The following SREBF1 variants were observed in gnomAD, a reference collection of about 807,000 sequenced individuals.
The protein encoded by SREBF1 is sterol regulatory element binding transcription factor 1.
SREBF1 carries 45 observed loss-of-function variants against 100.1 expected under a neutral mutation model. That is an observed-to-expected ratio of 0.45 (90% CI 0.35 to 0.58). The LOEUF (loss-of-function observed/expected upper bound fraction) is 0.58. Among genes scored for constraint, SREBF1 ranks in the 20% least tolerant of loss-of-function variants. The probability of loss-of-function intolerance (pLI) is 0.00; values close to 1 mark genes in which losing one functional copy is unlikely to be tolerated. For synonymous variants in SREBF1, 657 were observed against 681.8 expected, an observed-to-expected ratio of 0.96 and a Z score of 0.57; for missense variants, 1,324 against 1,539.4, an observed-to-expected ratio of 0.86 and a Z score of 2.34.
chr17:17,825,606 T>C (rs1289622332), intron 1 of SREBF1, among the ~76,000 whole-genome samples: 2 of 135,852 alleles, frequency 1.5e-5, no homozygotes, highest in African/African-American at 6.0e-5. Context: ...CCAATTTCTT[T>C]TTTTTTTTTT....
rs764807273 is a variant in SREBF1 at position 17,820,517 on chromosome 17, C to T, written c.96G>A (p.Met32Ile). 22 of 1,613,442 alleles carry T rather than the reference C, an allele frequency of 1.4e-5. No individual in the cohort carries two copies. The highest frequency in any genetic ancestry group is 1.7e-5 in the Admixed American group (1 of 59,974). ...TGTCTTGGTTGTTGATAAGCTGAAGCATGTCTGTGAAAAGGAGAAGAGGGT... is the reference window on the plus strand; with the variant it reads ...TGTCTTGGTTGTTGATAAGCTGAAGTATGTCTGTGAAAAGGAGAAGAGGGT... The part of the protein sequence containing the change: ...DAALLTDIED[M>I]LQLINNQDSD... The change falls in exon 2 of 19, where the codon ATG becomes ATA. Residue 32 changes from methionine (M) to isoleucine (I), a missense_variant. Physicochemically the swap from Met to Ile is conservative, Grantham distance 10 (BLOSUM62 1). Coordinates refer to ENST00000261646, the MANE Select transcript of SREBF1 (RefSeq NM_004176.5).
chr17:17,812,810 G>T lies in SREBF1; in HGVS notation c.3256C>A (p.His1086Asn). ...ELEPRPTRRE[H>N]AEALLLASCY... ...GAGGCCAGCAGCAAGGCCTCCGCGT[G>T]CTCCCGCCGCGTGGGCCGCGGCTCC... The change falls in exon 19 of 19, where the codon CAC becomes AAC. Residue 1086 changes from histidine (H) to asparagine (N), a missense_variant. His to Asn is a moderately conservative substitution (Grantham distance 68). Transcript: ENST00000261646. The T allele has an allele frequency of 6.7e-7, 1 of 1,496,240 alleles. No individual in the cohort carries two copies. The highest frequency in any genetic ancestry group is 1.3e-5 in the South Asian group (1 of 79,172). The allele number at this position is 1,496,240 out of a possible 1,614,324, so 92.7% of individuals were successfully genotyped here. A position where few individuals can be genotyped will look rare whatever the true frequency, so the allele number is the denominator to read the frequency against.
chr17:17,826,793 G>A (rs1372704739), intron 1 of SREBF1, among the ~76,000 whole-genome samples: 6 of 152,192 alleles, frequency 3.9e-5, no homozygotes, highest in Non-Finnish European at 8.8e-5. Context: ...TGTATTCTGT[G>A]AGGCCATGAG....
intron 1 of SREBF1, among the ~76,000 whole-genome samples, chr17:17,829,205 A>AAAATATATAT (rs1210718799): frequency 1.5e-5 from 1 of 65,872 alleles, no homozygotes; most frequent in African/African-American, 8.8e-5. Context: ...AAAAAAAAAA[A>AAAATATATAT]ATATATATAT....
At chr17:17,823,385 G>A (rs947807069) in intron 1 of SREBF1, 13 of 764,404 alleles carry the variant, frequency 1.7e-5, no homozygotes, top group Admixed American at 1.2e-4. Context: ...GCTGGTAACT[G>A]TCACACCTTC....
At chr17:17,823,119 T>C (rs1412199347) in intron 1 of SREBF1, among the ~76,000 whole-genome samples, 1 of 152,208 alleles carries the variant, frequency 6.6e-6, no homozygotes. Flanking sequence ...ACTGTCTTCC[T>C]GAAAAGTCTA....
rs1398733811 is a variant in SREBF1 at position 17,820,251 on chromosome 17, C to A, written c.362G>T (p.Gly121Val). The A allele has an allele frequency of 1.2e-6, 2 of 1,613,694 alleles. No individual in the cohort carries two copies. Among genetic ancestry groups the A allele is most frequent in the Non-Finnish European group, 1.7e-6 (2 of 1,179,984 alleles). ...CAGTGGCACTGACTCTTCCTTGATA[C>A]CAGGCCCAGGGGAGAAAGCGGGCAT... Reference protein sequence around the residue: ...PSMPAFSPGPGIKEESVPLSI... With the variant: ...PSMPAFSPGPVIKEESVPLSI... The change falls in exon 2 of 19, where the codon GGT becomes GTT. Residue 121 changes from glycine (G) to valine (V), a missense_variant. Coordinates refer to ENST00000261646, the MANE Select transcript of SREBF1 (RefSeq NM_004176.5).
At chr17:17,823,608 C>T (rs1459364851) in intron 1 of SREBF1, 1 of 1,611,040 alleles carries the variant, frequency 6.2e-7, no homozygotes, top group South Asian at 1.1e-5. Flanking sequence ...CCGACTTCAC[C>T]TGTCAAGGCG....
At chr17:17,832,419 C>A (rs1300439286) in intron 1 of SREBF1, among the ~76,000 whole-genome samples, 1 of 152,234 alleles carries the variant, frequency 6.6e-6, no homozygotes, top group Non-Finnish European at 1.5e-5. Context: ...CCCAGCTCTG[C>A]ACTCTGGCAC....
At chr17:17,836,307 G>T (rs76959280) in intron 1 of SREBF1, among the ~76,000 whole-genome samples, 1 of 152,258 alleles carries the variant, frequency 6.6e-6, no homozygotes, top group Admixed American at 6.5e-5. Flanking sequence ...CTGAACTCTC[G>T]GGCCGGAGGG....
chr17:17,814,986 G>T, intron 13 of SREBF1, 42 bp from the exon 14 acceptor site: 2 of 1,530,618 alleles, frequency 1.3e-6, no homozygotes, highest in Non-Finnish European at 8.9e-7. Flanking sequence ...GATGGCAGGG[G>T]TCCTAGGAGG....
In SREBF1 at chr17:17,811,692, C is replaced by T. The variant is rs998986010; in HGVS notation, c.*930G>A. 8 of 453,444 alleles carry T rather than the reference C, an allele frequency of 1.8e-5. No individual in the cohort carries two copies. The highest frequency in any genetic ancestry group is 1.2e-4 in the Admixed American group (5 of 42,068). 28.1% of individuals were successfully genotyped at this position (453,444 alleles called of 1,614,324 possible). ...AGGGGCCGGGATGGGGGAGGTGAGA[C>T]GTGCCAGACTTCTTGCAGGGAGACC... On this transcript the variant is annotated 3_prime_UTR_variant, in exon 19 of 19. Transcript: ENST00000261646.
Position 17,836,857 on chromosome 17 carries a change from G to T in SREBF1, c.-40C>A, listed in dbSNP as rs909472651. 8.0e-6 allele frequency: 12 copies of T among 1,502,398 alleles called. No individual in the cohort carries two copies. The highest frequency in any genetic ancestry group is 1.1e-5 in the Non-Finnish European group (12 of 1,128,790). The allele number at this position is 1,502,398 out of a possible 1,614,324, so 93.1% of individuals were successfully genotyped here. A position where few individuals can be genotyped will look rare whatever the true frequency, so the allele number is the denominator to read the frequency against. On this transcript the variant is annotated 5_prime_UTR_variant, in exon 1 of 19. Transcript: ENST00000261646. ...CTCCGGGAGGCCCGCCGGGCCCGCC[G>T]CCTCGTACGGCCCTTCCTAGGGAGC...
Position 17,817,579 on chromosome 17 carries a change from TCA to T in SREBF1, c.1404+115_1404+116del, listed in dbSNP as rs1341220645. 1.3e-6 allele frequency: 2 copies of T among 1,531,492 alleles called. No homozygotes were observed. Among genetic ancestry groups the T allele is most frequent in the South Asian group, 1.2e-5 (1 of 85,028 alleles). 94.9% of individuals were successfully genotyped at this position (1,531,492 alleles called of 1,614,324 possible). ...GTGGGACCCCACGTGGCTCCAGGCC[TCA>T]GTTATTCTGTCTATGAAATGGGAGG... is the stretch of plus-strand genomic sequence containing the variant. On this transcript the variant is annotated intron_variant, in intron 7 of 18. Coordinates refer to ENST00000261646, the MANE Select transcript of SREBF1 (RefSeq NM_004176.5). This position sits in a 1 kb window ranked among gnomAD's most constrained non-coding sequence, Gnocchi z 6.6.
chr17:17,827,845 T>C (rs2034584974), intron 1 of SREBF1, among the ~76,000 whole-genome samples: 1 of 152,146 alleles, frequency 6.6e-6, no homozygotes, highest in Non-Finnish European at 1.5e-5. Flanking sequence ...TGACCAGCTA[T>C]CCTCATTTGT....
At position 17,836,820 on chromosome 17, in the gene SREBF1, C is replaced by G; in HGVS notation, c.-3G>C. ...TCGCTGAAGGGTGGCTCGTCCATGG[C>G]GCAGCCGCCTCCTCCGGGAGGCCCG... On this transcript the variant is annotated 5_prime_UTR_variant, in exon 1 of 19. Transcript: ENST00000261646. The G allele has an allele frequency of 6.6e-7, 1 of 1,525,436 alleles. No individual in the cohort carries two copies. The highest frequency in any genetic ancestry group is 1.2e-5 in the South Asian group (1 of 82,710). 94.5% of individuals were successfully genotyped at this position (1,525,436 alleles called of 1,614,324 possible). A position where few individuals can be genotyped will look rare whatever the true frequency, so the allele number is the denominator to read the frequency against.
Position 17,820,424 on chromosome 17 carries a change from G to C in SREBF1, c.189C>G (p.Ser63Arg). The change falls in exon 2 of 19, where the codon AGC becomes AGG. Residue 63 changes from serine to arginine, a missense_variant. Coordinates refer to ENST00000261646, the MANE Select transcript of SREBF1 (RefSeq NM_004176.5). ...AGCTGCCTGGGGAGCTGGTATCGGGGCTGGCAGGGTCTGTGCCCCCTGCCC... is the reference window on the plus strand; with the variant it reads ...AGCTGCCTGGGGAGCTGGTATCGGGCCTGGCAGGGTCTGTGCCCCCTGCCC... ...GSGAGGTDPASPDTSSPGSLS... is the reference protein window; with the variant it reads ...GSGAGGTDPARPDTSSPGSLS... 6.2e-7 allele frequency: 1 copy of C among 1,613,548 alleles called. No individual in the cohort carries two copies. The highest frequency in any genetic ancestry group is 8.5e-7 in the Non-Finnish European group (1 of 1,179,642).
In SREBF1 at chr17:17,819,464, G is replaced by A. The variant is rs1447232240; in HGVS notation, c.712-10C>T. The A allele has an allele frequency of 6.2e-7, 1 of 1,613,566 alleles. No individual in the cohort carries two copies. ...GGGGCTGCAGCAGGACCTGAGGGTG[G>A]GAGAGGCTTGGCTGTAAGCTGTGTG... On this transcript the variant is annotated splice_polypyrimidine_tract_variant and intron_variant, in intron 3 of 18. Coordinates refer to ENST00000261646, the MANE Select transcript of SREBF1 (RefSeq NM_004176.5).
At position 17,820,376 on chromosome 17, in the gene SREBF1, C is replaced by A; in HGVS notation, c.237G>T (p.Leu79Phe). 6.2e-7 allele frequency: 1 copy of A among 1,612,426 alleles called. No homozygotes were observed. The highest frequency in any genetic ancestry group is 8.5e-7 in the Non-Finnish European group (1 of 1,178,756). Residue 79 changes from leucine to phenylalanine, a missense_variant, in exon 2 of 19, where the codon TTG becomes TTT. Coordinates refer to ENST00000261646, the MANE Select transcript of SREBF1 (RefSeq NM_004176.5). ...TCAGGAAGGCTTCAAGAGAGGAGCTCAATGTGGCAGGAGGTGGAGACAAGC... is the reference window on the plus strand; with the variant it reads ...TCAGGAAGGCTTCAAGAGAGGAGCTAAATGTGGCAGGAGGTGGAGACAAGC... ...PGSLSPPPAT[L>F]SSSLEAFLSG...
Sources: allele counts gnomAD v4.1 joint callset (sites outside exome capture counted in the v4.1 genomes callset), GRCh38; gene constraint gnomAD v4.1.1; non-coding constraint Gnocchi (gnomAD v3.1); transcripts MANE v1.5; gene names NCBI Gene and HGNC (gene_info 2026-07-23, HGNC 2026-07-21).